HUNK: variants seen among roughly 807,000 people sequenced by gnomAD.
HUNK encodes the protein hormonally up-regulated Neu-associated kinase.
HUNK carries 21 observed loss-of-function variants against 61.0 expected under a neutral mutation model. The observed-to-expected ratio is 0.34, with a 90% CI of 0.24 to 0.50. The LOEUF is 0.50. HUNK is among the 20% of genes least tolerant of loss of function. The pLI is 0.98. For missense variants in HUNK, 772 were observed against 945.7 expected (o/e 0.82, Z 2.41); for synonymous variants, 371 against 386.1 (o/e 0.96, Z 0.46).
chr21:31,963,392 A>G (rs376987347), intron 5 of HUNK, among the ~76,000 whole-genome samples: 3 of 152,192 alleles, frequency 2.0e-5, no homozygotes. Flanking sequence ...TATTGTCTCT[A>G]TGACCTTATG....
chr21:31,902,454 G>T (rs533014458), intron 1 of HUNK, among the ~76,000 whole-genome samples: 2 of 152,108 alleles, frequency 1.3e-5, no homozygotes, highest in Non-Finnish European at 2.9e-5. Flanking sequence ...AGGTTGCGGT[G>T]AGCCAAGATC....
At chr21:31,890,397 T>G (rs1011179910) in intron 1 of HUNK, among the ~76,000 whole-genome samples, 1 of 152,090 alleles carries the variant, frequency 6.6e-6, no homozygotes, top group African/African-American at 2.4e-5. Flanking sequence ...CCCAGCTAAT[T>G]TTTGTATTTT....
At chr21:31,939,501 C>T (rs1359595155) in intron 2 of HUNK, among the ~76,000 whole-genome samples, 5 of 148,484 alleles carry the variant, frequency 3.4e-5, no homozygotes, top group South Asian at 2.2e-4. Flanking sequence ...CTCTGCCTCC[C>T]GGGTACAAGC....
At chr21:31,890,182 C>T (rs1484929465) in intron 1 of HUNK, among the ~76,000 whole-genome samples, 8 of 151,770 alleles carry the variant, frequency 5.3e-5, no homozygotes, top group Non-Finnish European at 8.8e-5. Flanking sequence ...AACTTTGCCA[C>T]TTGTTACTAT....
intron 2 of HUNK, among the ~76,000 whole-genome samples, chr21:31,932,984 C>G (rs903544800): frequency 6.7e-6 from 1 of 150,132 alleles, no homozygotes; most frequent in Admixed American, 6.6e-5. Context: ...GCAATCTCGG[C>G]TCTCTGCACC....
intron 5 of HUNK, among the ~76,000 whole-genome samples, chr21:31,960,498 G>A (rs2052919818): frequency 6.6e-6 from 1 of 151,982 alleles, no homozygotes; most frequent in Non-Finnish European, 1.5e-5. Context: ...TTCATCTGGT[G>A]TACTAGTCCA....
At chr21:31,903,044 T>G (rs2123800707) in intron 1 of HUNK, among the ~76,000 whole-genome samples, 1 of 152,190 alleles carries the variant, frequency 6.6e-6, no homozygotes, top group African/African-American at 2.4e-5. Flanking sequence ...TTGCAACCAA[T>G]AAATCTTGAT....
intron 2 of HUNK, among the ~76,000 whole-genome samples, chr21:31,935,924 G>A (rs2052730664): frequency 6.6e-6 from 1 of 152,068 alleles, no homozygotes; most frequent in Admixed American, 6.5e-5. Flanking sequence ...GTTCAGGCGA[G>A]TAGCTGGGAT....
At chr21:31,950,885 C>T (rs960549039) in intron 4 of HUNK, among the ~76,000 whole-genome samples, 10 of 152,100 alleles carry the variant, frequency 6.6e-5, no homozygotes, top group Non-Finnish European at 1.5e-4. Context: ...ACTCCCCTCC[C>T]TGGAGGCTTT....
chr21:31,999,200 T>A lies in HUNK; in HGVS notation c.*16T>A, dbSNP rs2053229266. 2 of 1,577,196 alleles carry A rather than the reference T, an allele frequency of 1.3e-6. No homozygotes were observed. ...CCAGTGCTAACTTGGGCCAGCGGGG[T>A]TTGGGGTATCTCTAGAAAACAGCAA... On this transcript the variant is annotated 3_prime_UTR_variant, in exon 11 of 11. Transcript: ENST00000270112.
At chr21:31,971,419 C>T (rs1027532162) in intron 6 of HUNK, among the ~76,000 whole-genome samples, 4 of 152,024 alleles carry the variant, frequency 2.6e-5, no homozygotes, top group Non-Finnish European at 4.4e-5. Flanking sequence ...ATGTTATTTA[C>T]AGTGTTTATT....
chr21:31,893,789 G>A (rs947766539), intron 1 of HUNK, among the ~76,000 whole-genome samples: 5 of 152,174 alleles, frequency 3.3e-5, no homozygotes, highest in African/African-American at 1.2e-4. Flanking sequence ...GGCAACACCT[G>A]CCTCAACACT....
intron 1 of HUNK, among the ~76,000 whole-genome samples, chr21:31,918,917 G>T (rs577813291): frequency 6.6e-6 from 1 of 152,146 alleles, no homozygotes; most frequent in Non-Finnish European, 1.5e-5. Flanking sequence ...GCCTTGGTAC[G>T]ACGGCCCAAG....
chr21:31,946,211 T>C, intron 4 of HUNK, 40 bp downstream of exon 4: 1 of 1,590,896 alleles, frequency 6.3e-7, no homozygotes, highest in Non-Finnish European at 8.6e-7. Context: ...TTCCTCCTGC[T>C]GTCTCCACCG....
intron 3 of HUNK, among the ~76,000 whole-genome samples, chr21:31,941,299 T>TTC (rs199707842): frequency 3.2e-4 from 48 of 148,018 alleles, no homozygotes; most frequent in African/African-American, 8.2e-4. Flanking sequence ...TTCTTTTCTT[T>TTC]TCTCTCTCTC....
chr21:31,924,990 G>T lies in HUNK; in HGVS notation c.554+230G>T, dbSNP rs1019093459. On this transcript the variant is annotated intron_variant, in intron 2 of 10. Transcript: ENST00000270112. The surrounding 1 kb of genome is among the most constrained non-coding windows in gnomAD (Gnocchi z 5.1). ...TGGCTCACTGCAACCTCCGCCTTGT[G>T]GGTTCAAGCGATTTTCCTGCCTCAG... is the stretch of plus-strand genomic sequence containing the variant. Among the ~76,000 whole-genome samples the T allele has an allele frequency of 6.6e-6, 1 of 152,146 alleles. No individual in the cohort carries two copies. Among genetic ancestry groups the T allele is most frequent in the African/African-American group, 2.4e-5 (1 of 41,436 alleles).
chr21:31,881,635 G>GCAACAA (rs767186093), intron 1 of HUNK, among the ~76,000 whole-genome samples: 1 of 151,950 alleles, frequency 6.6e-6, no homozygotes, highest in East Asian at 1.9e-4. Flanking sequence ...AACAGCAGCA[G>GCAACAA]CAACAACAAC....
intron 4 of HUNK, among the ~76,000 whole-genome samples, chr21:31,956,975 T>A (rs1039026260): frequency 1.3e-5 from 2 of 152,198 alleles, no homozygotes; most frequent in Non-Finnish European, 2.9e-5. Context: ...TATGCACTTT[T>A]TATCTCTCCA....
rs762567981 is a variant in HUNK, at chr21:31,974,627, C to G, written c.1083C>G (p.Asp361Glu). The change falls in exon 7 of 11, where the codon GAC becomes GAG. Residue 361 changes from aspartate (D) to glutamate (E), a missense_variant. By Grantham distance (45) the Asp-to-Glu change is conservative. Transcript: ENST00000270112. ...AGAAGCTGGGTTACAAGAACAGCGACGTGATCAACACTGTGCTCTCCAACC... is the reference window on the plus strand; with the variant it reads ...AGAAGCTGGGTTACAAGAACAGCGAGGTGATCAACACTGTGCTCTCCAACC... ...MTEKLGYKNS[D>E]VINTVLSNRA... 6.2e-7 allele frequency: 1 copy of G among 1,613,864 alleles called. No homozygotes were observed. Among genetic ancestry groups the G allele is most frequent in the Non-Finnish European group, 8.5e-7 (1 of 1,179,958 alleles).
Sources: gnomAD v4.1 joint callset for allele counts (sites outside exome capture counted in the v4.1 genomes callset) on GRCh38, gnomAD v4.1.1 for gene constraint, Gnocchi (gnomAD v3.1) non-coding constraint, MANE v1.5 for transcripts, NCBI Gene and HGNC (gene_info 2026-07-23, HGNC 2026-07-21) for gene names.